The following ZRANB3 variants were observed in gnomAD, a reference collection of about 807,000 sequenced individuals.
ZRANB3 encodes the protein DNA annealing helicase and endonuclease ZRANB3.
In ZRANB3, 125 loss-of-function variants were observed where a neutral mutation model predicts 133.8. The ratio of observed to expected loss-of-function variants is 0.93; its 90% CI spans 0.81 to 1.08. The LOEUF (loss-of-function observed/expected upper bound fraction) is 1.08. Ranked by LOEUF, ZRANB3 falls within the 50% of genes least tolerant of loss-of-function variation. The pLI is 0.00. For missense variants in ZRANB3, 1,229 were observed against 1,275.5 expected, an observed-to-expected ratio of 0.96 and a Z score of 0.56; for synonymous variants, 387 against 432.7, an observed-to-expected ratio of 0.89 and a Z score of 1.31.
chr2:135,506,074 T>C (rs1693170248), intron 1 of ZRANB3, among the ~76,000 whole-genome samples: 2 of 152,168 alleles, frequency 1.3e-5, no homozygotes, highest in East Asian at 3.9e-4. Context: ...AGAAAGGGCT[T>C]GGTGTTTTCG....
At chr2:135,368,790 TAA>T (rs1011335945) in intron 3 of ZRANB3, among the ~76,000 whole-genome samples, 9 of 151,776 alleles carry the variant, frequency 5.9e-5, no homozygotes, top group Non-Finnish European at 1.2e-4. Flanking sequence ...AATTAAAAAT[TAA>T]AAAAAGACAG....
chr2:135,430,903 T>C (rs910017916), intron 2 of ZRANB3, among the ~76,000 whole-genome samples: 3 of 152,136 alleles, frequency 2.0e-5, no homozygotes, highest in Non-Finnish European at 4.4e-5. Context: ...TGATACCTCA[T>C]ACCATATACA....
At chr2:135,427,055 TA>T (rs534280676) in intron 2 of ZRANB3, among the ~76,000 whole-genome samples, 24 of 150,424 alleles carry the variant, frequency 1.6e-4, no homozygotes, top group Non-Finnish European at 3.1e-4. Context: ...GGCATCAAAG[TA>T]ACATACCTCA....
intron 1 of ZRANB3, among the ~76,000 whole-genome samples, chr2:135,506,736 CA>C (rs1693207079): frequency 6.6e-6 from 1 of 152,106 alleles, no homozygotes; most frequent in South Asian, 2.1e-4. Flanking sequence ...AAGGTTTAAA[CA>C]GGGGAATGAC....
intron 8 of ZRANB3, among the ~76,000 whole-genome samples, chr2:135,303,585 A>C (rs1402552971): frequency 1.3e-5 from 2 of 152,090 alleles, no homozygotes; most frequent in Non-Finnish European, 2.9e-5. Context: ...CTTCTTATTA[A>C]GTATTTATAT....
At chr2:135,389,876 C>CTTTTTTTTTT (rs1165827390) in intron 3 of ZRANB3, among the ~76,000 whole-genome samples, 32 of 102,336 alleles carry the variant, frequency 3.1e-4, no homozygotes, top group East Asian at 9.1e-4. Context: ...TGCTGTTATT[C>CTTTTTTTTTT]TTTTTTTTTT....
intron 18 of ZRANB3, 89 bp downstream of exon 18, chr2:135,208,779 C>A: frequency 1.7e-6 from 2 of 1,189,726 alleles, no homozygotes; most frequent in Non-Finnish European, 2.4e-6. Context: ...AGTGGTCATG[C>A]AAAGGTGAGA....
At chr2:135,333,285 G>C (rs1303473619) in intron 6 of ZRANB3, among the ~76,000 whole-genome samples, 3 of 151,544 alleles carry the variant, frequency 2.0e-5, no homozygotes, top group African/African-American at 4.9e-5. Flanking sequence ...TGCCATCCCC[G>C]AAAGTACAGT....
At position 135,315,392 on chromosome 2, in the gene ZRANB3, A is replaced by G. The variant is rs1683200686; in HGVS notation, c.816T>C (p.Arg272=). The change falls in exon 7 of 21, where the codon CGT becomes CGC. Residue 272 remains arginine (R), a synonymous_variant. Transcript: ENST00000264159. ...CTGCTGATGGAAGATCAAATGGAAT[A>G]CGCTGTCTGACTTTAGGGGGTAGCT... The part of the protein sequence containing the change: ...LTQLPPKVRQ[R]IPFDLPSAAA... 6.2e-7 allele frequency: 1 copy of G among 1,600,190 alleles called. No homozygotes were observed. The highest frequency in any genetic ancestry group is 1.1e-5 in the South Asian group (1 of 87,724).
rs1685464498 is a variant in ZRANB3 at position 135,356,924 on chromosome 2, T to G, written c.181-3296A>C. Among the ~76,000 whole-genome samples the G allele has an allele frequency of 2.6e-5, 4 of 152,116 alleles. No individual in the cohort carries two copies. In the South Asian group the frequency reaches 8.3e-4, roughly 32 times the overall value. ...GTCTCGAACTCCTGAGCTCAAGCGATCCACCTACCTTAGCCTTCCAAAGTG... is the reference window on the plus strand; with the variant it reads ...GTCTCGAACTCCTGAGCTCAAGCGAGCCACCTACCTTAGCCTTCCAAAGTG... On this transcript the variant is annotated intron_variant, in intron 3 of 20. Transcript: ENST00000264159.
chr2:135,248,922 A>AC (rs111804255), intron 12 of ZRANB3, among the ~76,000 whole-genome samples: 8 of 152,104 alleles, frequency 5.3e-5, no homozygotes, highest in Admixed American at 2.6e-4. Flanking sequence ...AACAACAACA[A>AC]AAAAAAGTAG....
At chr2:135,498,905 A>G (rs1011745498) in intron 2 of ZRANB3, among the ~76,000 whole-genome samples, 1 of 152,176 alleles carries the variant, frequency 6.6e-6, no homozygotes, top group African/African-American at 2.4e-5. Context: ...CTGTCTCCTG[A>G]TAAGATGTTA....
At position 135,433,681 on chromosome 2, in the gene ZRANB3, G is replaced by A. The variant is rs866447684; in HGVS notation, c.162-42861C>T. ...AGTCTGGCCAACATGGCAAAACCCC[G>A]TCTCTACTAAAAATACAGAAATTAG... On this transcript the variant is annotated intron_variant, in intron 2 of 20. Coordinates refer to ENST00000264159, the MANE Select transcript of ZRANB3 (RefSeq NM_032143.4). Among the ~76,000 whole-genome samples, 7 of 151,900 alleles carry A rather than the reference G, an allele frequency of 4.6e-5. No homozygotes were observed. In the East Asian group the frequency reaches 5.8e-4, roughly 13 times the overall value.
chr2:135,386,304 G>A (rs901135701), intron 3 of ZRANB3, among the ~76,000 whole-genome samples: 16 of 152,162 alleles, frequency 1.1e-4, no homozygotes, highest in Admixed American at 3.3e-4. Flanking sequence ...ACCATCTCAC[G>A]CCAGTTAGAA....
At chr2:135,395,521 A>T (rs773506280) in intron 2 of ZRANB3, among the ~76,000 whole-genome samples, 7 of 150,406 alleles carry the variant, frequency 4.7e-5, no homozygotes, top group Non-Finnish European at 8.8e-5. Flanking sequence ...GCAGTGGTGC[A>T]ATCTTGGCTC....
At chr2:135,307,300 G>C (rs770119233) in intron 8 of ZRANB3, among the ~76,000 whole-genome samples, 3 of 152,020 alleles carry the variant, frequency 2.0e-5, no homozygotes, top group African/African-American at 4.8e-5. Context: ...TCCTGGGCTC[G>C]AGCAATCTGC....
chr2:135,302,705 T>C (rs1307268206), intron 8 of ZRANB3, among the ~76,000 whole-genome samples: 1 of 152,106 alleles, frequency 6.6e-6, no homozygotes, highest in Admixed American at 6.6e-5. Context: ...TTTGTATTTT[T>C]AGTAGAGACA....
At chr2:135,286,907 A>G (rs1199965697) in intron 8 of ZRANB3, among the ~76,000 whole-genome samples, 1 of 152,194 alleles carries the variant, frequency 6.6e-6, no homozygotes, top group Non-Finnish European at 1.5e-5. Context: ...TTTGCTGTGC[A>G]GAAGCTTTTA....
chr2:135,386,247 A>C (rs547067362), intron 3 of ZRANB3, among the ~76,000 whole-genome samples: 12 of 152,376 alleles, frequency 7.9e-5, no homozygotes, highest in African/African-American at 2.6e-4. Context: ...AAAAATGCTC[A>C]TCATCACTGC....
Sources: gnomAD v4.1 joint callset for allele counts (sites outside exome capture counted in the v4.1 genomes callset) on GRCh38, gnomAD v4.1.1 for gene constraint, MANE v1.5 for transcripts, NCBI Gene and HGNC (gene_info 2026-07-23, HGNC 2026-07-21) for gene names.